The following AGBL1 variants were observed in gnomAD, a reference collection of about 807,000 sequenced individuals.
AGBL1 encodes cytosolic carboxypeptidase 4.
A neutral mutation model predicts 118.9 loss-of-function variants in AGBL1; 130 were observed. The observed-to-expected ratio is 1.09, with a 90% confidence interval of 0.95 to 1.26. AGBL1 has a LOEUF of 1.26. Among genes scored for constraint, AGBL1 ranks in the 50% most tolerant of loss-of-function variants. AGBL1 has a pLI of 0.00. For synonymous variants in AGBL1, 555 were observed against 478.9 expected (o/e 1.16, Z -2.08); for missense variants, 1,584 against 1,298.1 (o/e 1.22, Z -3.38).
intron 6 of AGBL1, among the ~76,000 whole-genome samples, chr15:86,235,180 C>T (rs2078519812): frequency 6.6e-6 from 1 of 152,148 alleles, no homozygotes; most frequent in African/African-American, 2.4e-5. Context: ...GATCTGGGGA[C>T]TCTGTTTTAT....
At chr15:86,626,543 C>G (rs955586894) in intron 21 of AGBL1, among the ~76,000 whole-genome samples, 2 of 152,158 alleles carry the variant, frequency 1.3e-5, no homozygotes, top group East Asian at 1.9e-4. Flanking sequence ...AGAAAAATAA[C>G]TAATGGGTAC....
At chr15:86,473,196 T>C (rs2082503310) in intron 18 of AGBL1, among the ~76,000 whole-genome samples, 1 of 152,196 alleles carries the variant, frequency 6.6e-6, no homozygotes, top group South Asian at 2.1e-4. Context: ...GTTTGGGTAC[T>C]GGATTTTGTT....
intron 22 of AGBL1, among the ~76,000 whole-genome samples, chr15:86,687,341 CAAG>C (rs1444448202): frequency 1.3e-5 from 2 of 152,150 alleles, no homozygotes; most frequent in South Asian, 2.1e-4. Flanking sequence ...AGCCAACAAC[CAAG>C]AAGAAGGTGT....
intron 24 of AGBL1, among the ~76,000 whole-genome samples, chr15:87,015,634 A>G (rs1187697310): frequency 2.6e-5 from 4 of 152,170 alleles, no homozygotes; most frequent in Non-Finnish European, 5.9e-5. Flanking sequence ...ACAGATGTGC[A>G]TAAATAAATC....
chr15:86,980,516 T>A (rs187596183), intron 23 of AGBL1, among the ~76,000 whole-genome samples: 1 of 152,300 alleles, frequency 6.6e-6, no homozygotes, highest in Admixed American at 6.5e-5. Flanking sequence ...CTGTCAATGA[T>A]ACTTAAAAAG....
chr15:86,728,330 T>C (rs1016738065), intron 22 of AGBL1, among the ~76,000 whole-genome samples: 3 of 152,160 alleles, frequency 2.0e-5, no homozygotes, highest in Admixed American at 1.3e-4. Flanking sequence ...GTTGACAAAA[T>C]GAGTTCCTTT....
chr15:86,797,324 C>G (rs891007982), intron 22 of AGBL1, among the ~76,000 whole-genome samples: 4 of 152,196 alleles, frequency 2.6e-5, no homozygotes, highest in Admixed American at 2.6e-4. Context: ...CTCTTTACAT[C>G]CCAGTGATAA....
intron 1 of AGBL1, among the ~76,000 whole-genome samples, chr15:86,090,644 G>A (rs1335864176): frequency 3.3e-5 from 5 of 152,058 alleles, no homozygotes; most frequent in Non-Finnish European, 7.4e-5. Flanking sequence ...TTTTCTTCTA[G>A]CATTTCACTT....
chr15:86,785,771 G>A (rs2078403895), intron 22 of AGBL1, among the ~76,000 whole-genome samples: 1 of 152,156 alleles, frequency 6.6e-6, no homozygotes, highest in Non-Finnish European at 1.5e-5. Flanking sequence ...AAAATCACAA[G>A]AAATAAATCA....
In AGBL1 at chr15:86,564,684, C is replaced by G. The variant is rs528122006; in HGVS notation, c.2994+10147C>G. 5.9e-5 allele frequency among the ~76,000 whole-genome samples: 9 copies of G among 152,296 alleles called. No individual in the cohort carries two copies. The South Asian group carries it at 1.7e-3, about 28-fold the overall frequency. On this transcript the variant is annotated intron_variant, in intron 21 of 22. Coordinates refer to ENST00000614907, the MANE Select transcript of AGBL1 (RefSeq NM_001386094.1). ...TGAATTTGAATGTTGGCCTGCCTTGCTAGGTTGGGGAAGTTCTCCTGGATA... is the reference window on the plus strand; with the variant it reads ...TGAATTTGAATGTTGGCCTGCCTTGGTAGGTTGGGGAAGTTCTCCTGGATA...
At chr15:86,393,522 C>T (rs1020322207) in intron 17 of AGBL1, among the ~76,000 whole-genome samples, 4 of 152,140 alleles carry the variant, frequency 2.6e-5, no homozygotes, top group African/African-American at 9.7e-5. Context: ...GGTACAAATT[C>T]ATCAAGCCTC....
chr15:86,206,704 A>G (rs558545692), intron 5 of AGBL1, among the ~76,000 whole-genome samples: 1 of 151,982 alleles, frequency 6.6e-6, no homozygotes, highest in Non-Finnish European at 1.5e-5. Context: ...TAGATTGTGG[A>G]TATTAGCCCT....
chr15:86,590,995 G>T (rs374030366), intron 21 of AGBL1, among the ~76,000 whole-genome samples: 1 of 152,156 alleles, frequency 6.6e-6, no homozygotes, highest in African/African-American at 2.4e-5. Context: ...AATAATGTAC[G>T]TTATAGCTGT....
chr15:86,348,521 T>G (rs2080575040), intron 17 of AGBL1, among the ~76,000 whole-genome samples: 1 of 152,208 alleles, frequency 6.6e-6, no homozygotes, highest in Non-Finnish European at 1.5e-5. Context: ...GGCTTACGCC[T>G]GTAATTCCAG....
chr15:86,579,725 C>T (rs2084147871), intron 21 of AGBL1, among the ~76,000 whole-genome samples: 1 of 152,108 alleles, frequency 6.6e-6, no homozygotes, highest in Non-Finnish European at 1.5e-5. Flanking sequence ...TTGAATGGGA[C>T]TTGGGGCAGG....
intron 17 of AGBL1, among the ~76,000 whole-genome samples, chr15:86,372,124 C>T (rs770313172): frequency 6.6e-6 from 1 of 152,242 alleles, no homozygotes; most frequent in South Asian, 2.1e-4. Flanking sequence ...AGGACAGACC[C>T]TTGCCTTCAT....
At chr15:86,517,031 T>G (rs573284822) in intron 18 of AGBL1, among the ~76,000 whole-genome samples, 1 of 152,304 alleles carries the variant, frequency 6.6e-6, no homozygotes, top group African/African-American at 2.4e-5. Context: ...AACCACATTT[T>G]AATCTTCTCT....
chr15:86,404,271 G>A (rs1360745288), intron 18 of AGBL1, among the ~76,000 whole-genome samples: 1 of 152,098 alleles, frequency 6.6e-6, no homozygotes, highest in East Asian at 1.9e-4. Context: ...CTTGATCCTG[G>A]ACACTCTACC....
At chr15:86,947,563 T>G (rs1274625888) in intron 23 of AGBL1, among the ~76,000 whole-genome samples, 2 of 152,210 alleles carry the variant, frequency 1.3e-5, no homozygotes, top group African/African-American at 2.4e-5. Context: ...TATTAATTTA[T>G]TTTGAAAATA....
Sources: allele counts gnomAD v4.1 joint callset (sites outside exome capture counted in the v4.1 genomes callset), GRCh38; gene constraint gnomAD v4.1.1; transcripts MANE v1.5; gene names NCBI Gene and HGNC (gene_info 2026-07-23, HGNC 2026-07-21).